CHD6: variants seen among roughly 807,000 people sequenced by gnomAD.
The protein encoded by CHD6 is ATP-dependent chromatin remodeler CHD6.
In CHD6, 50 loss-of-function variants were observed where a neutral mutation model predicts 276.9. The observed-to-expected ratio is 0.18, with a 90% CI of 0.14 to 0.23. CHD6 has a LOEUF of 0.23. Ranked by LOEUF, CHD6 falls within the 10% of genes least tolerant of loss-of-function variation. CHD6 has a pLI of 1.00. For missense variants in CHD6, 2,564 were observed against 3,365.8 expected, an observed-to-expected ratio of 0.76 and a Z score of 5.89; for synonymous variants, 1,173 against 1,229.3, an observed-to-expected ratio of 0.95 and a Z score of 0.96.
intron 25 of CHD6, among the ~76,000 whole-genome samples, chr20:41,442,449 C>T (rs1268151803): frequency 6.6e-6 from 1 of 152,088 alleles, no homozygotes; most frequent in Non-Finnish European, 1.5e-5. Context: ...GAGACCCTGT[C>T]TCTTAAAAAA....
intron 34 of CHD6, 72 bp from the exon 35 acceptor site, chr20:41,413,587 TA>T (rs2046908693): frequency 7.9e-7 from 1 of 1,267,010 alleles, no homozygotes; most frequent in African/African-American, 1.5e-5. Context: ...AGAAAACATG[TA>T]AGGTGTTATT....
chr20:41,488,141 C>A (rs1459411578), intron 13 of CHD6, among the ~76,000 whole-genome samples: 2 of 152,124 alleles, frequency 1.3e-5, no homozygotes, highest in Non-Finnish European at 2.9e-5. Context: ...CATTTAGGGG[C>A]CTGGAAACCA....
intron 1 of CHD6, among the ~76,000 whole-genome samples, chr20:41,563,700 T>G (rs543413269): frequency 6.6e-6 from 1 of 152,358 alleles, no homozygotes; most frequent in Non-Finnish European, 1.5e-5. Context: ...CTTCTAGAGC[T>G]ATCATATATC....
chr20:41,460,895 A>T (rs1198645650), intron 17 of CHD6, among the ~76,000 whole-genome samples: 1 of 152,184 alleles, frequency 6.6e-6, no homozygotes, highest in Non-Finnish European at 1.5e-5. Flanking sequence ...TGCCTGGAGA[A>T]GCCACAGACA....
rs370618644 is a variant in CHD6 at position 41,452,778 on chromosome 20, C to T, written c.3285G>A (p.Ala1095=). The change falls in exon 21 of 37, where the codon GCG becomes GCA. Residue 1095 remains alanine (A), a synonymous_variant. Coordinates refer to ENST00000373233, the MANE Select transcript of CHD6 (RefSeq NM_032221.5). This position sits in a 1 kb window ranked among gnomAD's most constrained non-coding sequence, Gnocchi z 4.2. ...LNDKARRYLR[A]ECFRVEKNLL... ...GGTTCTTCTCTACCCGGAAGCACTC[C>T]GCTCGGAGGTAGCGCCTGGCTTTGT... The T allele has an allele frequency of 1.8e-5, 29 of 1,613,196 alleles. No individual in the cohort carries two copies. The highest frequency in any genetic ancestry group is 9.4e-5 in the African/African-American group (7 of 74,630).
chr20:41,595,249 G>A (rs1206682753), intron 1 of CHD6, among the ~76,000 whole-genome samples: 1 of 152,238 alleles, frequency 6.6e-6, no homozygotes, highest in Non-Finnish European at 1.5e-5. Context: ...CCATGGGGCA[G>A]TGAAGTACTT....
intron 8 of CHD6, 153 bp downstream of exon 8, chr20:41,497,231 T>C (rs2043709344): frequency 6.4e-6 from 4 of 624,798 alleles, no homozygotes; most frequent in East Asian, 2.8e-5. Flanking sequence ...GACTTGAATC[T>C]AGACTAGTTT....
Position 41,591,383 on chromosome 20 carries a change from C to CACAG in CHD6, c.-24+26956_-24+26957insCTGT, listed in dbSNP as rs1428771315. ...AATTTTACATATATATATATATACA[C>CACAG]ACACACACACACACACACACACACA... On this transcript the variant is annotated intron_variant, in intron 1 of 36. Transcript: ENST00000373233. Among the ~76,000 whole-genome samples the CACAG allele has an allele frequency of 1.5e-3, 110 of 75,178 alleles. 1 individual carries two copies. The highest frequency in any genetic ancestry group is 0.013 in the African/African-American group (105 of 8,130). 49.3% of individuals were successfully genotyped at this position (75,178 alleles called of 152,430 possible).
chr20:41,588,492 A>C (rs2045620120), intron 1 of CHD6, among the ~76,000 whole-genome samples: 1 of 152,138 alleles, frequency 6.6e-6, no homozygotes, highest in African/African-American at 2.4e-5. Context: ...GTCCACTAAC[A>C]TCCCACTGGG....
chr20:41,522,016 A>C (rs1490430291), intron 3 of CHD6, among the ~76,000 whole-genome samples: 1 of 152,190 alleles, frequency 6.6e-6, no homozygotes, highest in East Asian at 1.9e-4. Flanking sequence ...ACAAAATACA[A>C]ATGGTAACTG....
chr20:41,534,978 G>A (rs1423189369), intron 2 of CHD6, among the ~76,000 whole-genome samples: 1 of 152,102 alleles, frequency 6.6e-6, no homozygotes, highest in Non-Finnish European at 1.5e-5. Context: ...CTTGAATTCT[G>A]TGCCAAGGAT....
intron 1 of CHD6, among the ~76,000 whole-genome samples, chr20:41,562,022 A>G (rs1037126431): frequency 4.6e-5 from 7 of 151,294 alleles, no homozygotes; most frequent in Admixed American, 6.6e-5. Flanking sequence ...TTCCCTCCCT[A>G]TTGTTTTCTT....
intron 2 of CHD6, among the ~76,000 whole-genome samples, chr20:41,541,194 T>C (rs192229585): frequency 1.1e-4 from 17 of 152,328 alleles, no homozygotes; most frequent in Admixed American, 1.1e-3. Context: ...TCTTTCTCTC[T>C]TTCTTTTTCT....
intron 5 of CHD6, 23 bp from the exon 6 acceptor site, chr20:41,499,380 A>G (rs1458914145): frequency 2.6e-6 from 4 of 1,556,238 alleles, no homozygotes; most frequent in East Asian, 2.3e-5. Flanking sequence ...ATAAAAAAAA[A>G]AGAAAATTGC....
At chr20:41,617,799 G>A (rs902451924) in intron 1 of CHD6, among the ~76,000 whole-genome samples, 2 of 151,394 alleles carry the variant, frequency 1.3e-5, no homozygotes, top group Non-Finnish European at 3.0e-5. Flanking sequence ...CGGAACAGCA[G>A]CCTGGCACCA....
At chr20:41,479,785 T>G (rs1051733960) in intron 16 of CHD6, among the ~76,000 whole-genome samples, 1 of 152,186 alleles carries the variant, frequency 6.6e-6, no homozygotes, top group Non-Finnish European at 1.5e-5. Context: ...GCATCTGAAC[T>G]TAGATTTCAG....
At chr20:41,513,242 T>G (rs374127346) in intron 4 of CHD6, among the ~76,000 whole-genome samples, 1 of 152,184 alleles carries the variant, frequency 6.6e-6, no homozygotes, top group African/African-American at 2.4e-5. Flanking sequence ...GAAGGGGTAG[T>G]GTCTCATAGT....
chr20:41,421,642 C>T lies in CHD6; in HGVS notation c.4993G>A (p.Val1665Ile), dbSNP rs1186441601. 8 of 1,613,646 alleles carry T rather than the reference C, an allele frequency of 5.0e-6. No homozygotes were observed. The highest frequency in any genetic ancestry group is 2.7e-5 in the African/African-American group (2 of 74,890). Reference protein sequence around the residue: ...LENEPENLVRVESRDDHLSLP... With the variant: ...LENEPENLVRIESRDDHLSLP... ...CTGAGATGATCATCTCTGCTTTCTACTCTCACTAGATTTTCAGGTTCATTT... is the reference window on the plus strand; with the variant it reads ...CTGAGATGATCATCTCTGCTTTCTATTCTCACTAGATTTTCAGGTTCATTT... The change falls in exon 31 of 37, where the codon GTA (valine) becomes ATA (isoleucine). Residue 1665 changes from valine (V) to isoleucine (I), a missense_variant. Val to Ile is a conservative substitution (Grantham distance 29). Around this residue, in one of 7 missense-constraint regions of CHD6, gnomAD observed 1,024 missense variants for 1,047.9 expected, o/e 0.98. Coordinates refer to ENST00000373233, the MANE Select transcript of CHD6 (RefSeq NM_032221.5).
intron 3 of CHD6, among the ~76,000 whole-genome samples, chr20:41,523,843 T>C (rs1263050176): frequency 2.0e-5 from 3 of 152,194 alleles, no homozygotes; most frequent in Admixed American, 1.3e-4. Flanking sequence ...CGTACTACTA[T>C]GAATCTTTTA....
Sources: allele counts gnomAD v4.1 joint callset (sites outside exome capture counted in the v4.1 genomes callset), GRCh38; gene constraint gnomAD v4.1.1; regional missense constraint gnomAD v4.1.1; non-coding constraint Gnocchi (gnomAD v3.1); transcripts MANE v1.5; gene names NCBI Gene and HGNC (gene_info 2026-07-23, HGNC 2026-07-21).